SMIM21: variants seen among roughly 807,000 people sequenced by gnomAD.
SMIM21 encodes chromosome 18 open reading frame 62.
Under a neutral mutation model 8.6 loss-of-function variants are expected in SMIM21, and 8 were observed. The ratio of observed to expected loss-of-function variants is 0.93; its 90% CI spans 0.55 to 1.68. The LOEUF is 1.68. SMIM21 is among the 40% of genes most tolerant of loss of function. The pLI is 0.00. For missense variants in SMIM21, 132 were observed against 123.0 expected (o/e 1.07, Z -0.35); for synonymous variants, 43 against 41.7 (o/e 1.03, Z -0.12).
At chr18:75,420,695 T>C (rs2024699031) in intron 1 of SMIM21, among the ~76,000 whole-genome samples, 2 of 152,230 alleles carry the variant, frequency 1.3e-5, no homozygotes, top group South Asian at 4.1e-4. Flanking sequence ...TTTACTGCTA[T>C]GCTTGTCCTA....
At chr18:75,426,279 T>TTTCA (rs2024760054) in intron 1 of SMIM21, among the ~76,000 whole-genome samples, 1 of 148,630 alleles carries the variant, frequency 6.7e-6, no homozygotes, top group Non-Finnish European at 1.5e-5. Flanking sequence ...AGACCATTAC[T>TTTCA]TTTATTTATT....
At chr18:75,424,059 T>C (rs182993581) in intron 1 of SMIM21, among the ~76,000 whole-genome samples, 1 of 152,326 alleles carries the variant, frequency 6.6e-6, no homozygotes, top group Admixed American at 6.5e-5. Flanking sequence ...TTTTGTCTCT[T>C]CTTCATTCAA....
At chr18:75,413,582 G>T (rs1286129968) in intron 2 of SMIM21, among the ~76,000 whole-genome samples, 1 of 152,142 alleles carries the variant, frequency 6.6e-6, no homozygotes, top group Non-Finnish European at 1.5e-5. Flanking sequence ...GACACATAAG[G>T]CCATTCGTGG....
chr18:75,425,550 C>T (rs533103642), intron 1 of SMIM21, among the ~76,000 whole-genome samples: 2 of 152,296 alleles, frequency 1.3e-5, no homozygotes, highest in South Asian at 4.1e-4. Context: ...GCTACAGAAA[C>T]GTTACCATCA....
intron 2 of SMIM21, chr18:75,417,914 C>T (rs975378233): frequency 5.8e-5 from 18 of 311,916 alleles, no homozygotes; most frequent in African/African-American, 3.8e-4. Context: ...TATTGATTGA[C>T]TATGGAAGAA....
intron 2 of SMIM21, chr18:75,418,098 G>A (rs887897768): frequency 1.8e-5 from 7 of 398,042 alleles, no homozygotes; most frequent in African/African-American, 1.2e-4. Flanking sequence ...GCTCATGTGA[G>A]TGGGTGCTTT....
At chr18:75,419,071 T>C in intron 1 of SMIM21, 155 bp from the exon 2 acceptor site, 1 of 469,798 alleles carries the variant, frequency 2.1e-6, no homozygotes. Context: ...ACCAGAACTG[T>C]GGTTTTTATT....
intron 1 of SMIM21, among the ~76,000 whole-genome samples, chr18:75,424,018 T>TG (rs2024735970): frequency 6.8e-6 from 1 of 146,196 alleles, no homozygotes; most frequent in Non-Finnish European, 1.5e-5. Flanking sequence ...AACTGTTCGT[T>TG]GCAATGCATT....
At chr18:75,424,494 A>C (rs1470771169) in intron 1 of SMIM21, among the ~76,000 whole-genome samples, 1 of 152,170 alleles carries the variant, frequency 6.6e-6, no homozygotes, top group Non-Finnish European at 1.5e-5. Context: ...ATGTCCTTGC[A>C]TGGGGTGGAG....
intron 1 of SMIM21, among the ~76,000 whole-genome samples, chr18:75,423,436 T>C (rs1224099680): frequency 6.6e-6 from 1 of 152,232 alleles, no homozygotes; most frequent in Non-Finnish European, 1.5e-5. Context: ...AACATTTAAT[T>C]TAAAGGGACC....
intron 2 of SMIM21, chr18:75,416,714 A>G (rs1325674781): frequency 1.3e-5 from 2 of 152,218 alleles, no homozygotes; most frequent in African/African-American, 2.4e-5. Context: ...CTCATTCAAC[A>G]TATTTAAAAA....
At chr18:75,415,694 A>G (rs72975986) in intron 2 of SMIM21, among the ~76,000 whole-genome samples, 40,187 of 152,016 alleles carry the variant, frequency 0.26, 6,287 homozygotes, top group Middle Eastern at 0.36. Context: ...CTAATCATCC[A>G]TCAATCATCT....
In SMIM21 at chr18:75,410,149, C is replaced by T. The variant is rs570883122; in HGVS notation, c.*715G>A. The stretch of plus-strand genomic sequence containing the variant: ...TTAAGTCAGCCACAATATAAGAAAA[C>T]TCATCTGCCTCGACTTGTTGCCCGT... On this transcript the variant is annotated 3_prime_UTR_variant, in exon 3 of 3. Transcript: ENST00000579022. 30 of 152,788 alleles carry T rather than the reference C, an allele frequency of 2.0e-4. No individual in the cohort carries two copies. Among genetic ancestry groups the T allele is most frequent in the African/African-American group, 6.7e-4 (28 of 41,576 alleles). The allele number at this position is 152,788 out of a possible 1,614,324, so 9.5% of individuals were successfully genotyped here. A position where few individuals can be genotyped will look rare whatever the true frequency, so the allele number is the denominator to read the frequency against.
chr18:75,427,422 C>A lies in SMIM21; in HGVS notation c.129+13G>T. The stretch of plus-strand genomic sequence containing the variant: ...CTCTCTCATAACCCAAAGTTAAAGA[C>A]CCATAAACTCACTGTGGTAAGTGCT... On this transcript the variant is annotated intron_variant, in intron 1 of 2. Transcript: ENST00000579022. 6.2e-7 allele frequency: 1 copy of A among 1,612,550 alleles called. No homozygotes were observed. Among genetic ancestry groups the A allele is most frequent in the Non-Finnish European group, 8.5e-7 (1 of 1,179,204 alleles).
At chr18:75,427,156 A>G (rs1178510315) in intron 1 of SMIM21, among the ~76,000 whole-genome samples, 1 of 152,142 alleles carries the variant, frequency 6.6e-6, no homozygotes, top group African/African-American at 2.4e-5. Flanking sequence ...TCATTGACTC[A>G]TTGGCCTGTA....
At position 75,427,590 on chromosome 18, in the gene SMIM21, G is replaced by A; in HGVS notation, c.-27C>T. On this transcript the variant is annotated 5_prime_UTR_variant, in exon 1 of 3. Transcript: ENST00000579022. Reference sequence around the variant, plus strand: ...TGGGGGCTGCGGCGGTGACCAGTGAGAGGTCTCCTTGATGACAGCGACTCT... The same window carrying A: ...TGGGGGCTGCGGCGGTGACCAGTGAAAGGTCTCCTTGATGACAGCGACTCT... The A allele has an allele frequency of 6.4e-7, 1 of 1,568,878 alleles. No individual in the cohort carries two copies. The highest frequency in any genetic ancestry group is 1.3e-5 in the African/African-American group (1 of 74,324).
At position 75,409,940 on chromosome 18, in the gene SMIM21, G is replaced by A. The variant is rs2024565118; in HGVS notation, c.*924C>T. 6.5e-6 allele frequency: 1 copy of A among 152,682 alleles called. No homozygotes were observed. The highest frequency in any genetic ancestry group is 1.5e-5 in the Non-Finnish European group (1 of 68,086). The allele number at this position is 152,682 out of a possible 1,614,324, so 9.5% of individuals were successfully genotyped here. On this transcript the variant is annotated 3_prime_UTR_variant, in exon 3 of 3. Transcript: ENST00000579022. ...GAATCCAGCCAGGCGGATAGAGCAG[G>A]GCTCACCTCGTCAAGGACTTTGCAG...
chr18:75,426,984 G>A (rs1049465856), intron 1 of SMIM21, among the ~76,000 whole-genome samples: 1 of 152,118 alleles, frequency 6.6e-6, no homozygotes, highest in African/African-American at 2.4e-5. Flanking sequence ...TGCAACTTTT[G>A]CTTCTGTCCT....
chr18:75,416,228 A>G (rs1261298568), intron 2 of SMIM21: 1 of 152,232 alleles, frequency 6.6e-6, no homozygotes, highest in Non-Finnish European at 1.5e-5. Flanking sequence ...CATGTTGACA[A>G]TCAGATTTGG....
Sources: allele counts gnomAD v4.1 joint callset (sites outside exome capture counted in the v4.1 genomes callset), GRCh38; gene constraint gnomAD v4.1.1; transcripts MANE v1.5; gene names NCBI Gene and HGNC (gene_info 2026-07-23, HGNC 2026-07-21).